GALNT6: variants seen among roughly 807,000 people sequenced by gnomAD.
GALNT6 encodes polypeptide N-acetylgalactosaminyltransferase 6, also known as GalNAc transferase 6.
A neutral mutation model predicts 65.9 loss-of-function variants in GALNT6; 51 were observed. That is an observed-to-expected ratio of 0.77 (90% CI 0.62 to 0.98). The LOEUF is 0.98. Among genes scored for constraint, GALNT6 ranks in the 50% least tolerant of loss-of-function variants. The pLI, the probability that GALNT6 is intolerant of heterozygous loss-of-function variation, is 0.00. For synonymous variants in GALNT6, 323 were observed against 315.1 expected (o/e 1.02, Z -0.26); for missense variants, 708 against 803.3 (o/e 0.88, Z 1.43).
At position 51,370,444 on chromosome 12, in the gene GALNT6, A is replaced by G. The variant is rs576557882; in HGVS notation, c.665-4865T>C. Among the ~76,000 whole-genome samples, 3 of 152,358 alleles carry G rather than the reference A, an allele frequency of 2.0e-5. No homozygotes were observed. In the East Asian group the frequency reaches 5.8e-4, roughly 29 times the overall value. On this transcript the variant is annotated intron_variant, in intron 4 of 11. Coordinates refer to ENST00000356317, the MANE Select transcript of GALNT6 (RefSeq NM_007210.4). ...CAACTACTCGGGAGGCCGAGGCAGG[A>G]GAATCACTTGAACCCAGGAGGTGGA...
chr12:51,377,100 T>A (rs1947479351), intron 4 of GALNT6, 95 bp downstream of exon 4: 1 of 1,027,666 alleles, frequency 9.7e-7, no homozygotes, highest in African/African-American at 1.6e-5. Context: ...AACAGGCTCA[T>A]GAGGTGGTGC....
chr12:51,378,139 A>G (rs1207700148), intron 3 of GALNT6, among the ~76,000 whole-genome samples: 1 of 151,896 alleles, frequency 6.6e-6, no homozygotes, highest in Non-Finnish European at 1.5e-5. Flanking sequence ...GGCTGCTGTC[A>G]CACCCAGTGC....
intron 11 of GALNT6, among the ~76,000 whole-genome samples, chr12:51,355,235 T>C (rs181655660): frequency 2.0e-3 from 300 of 152,316 alleles, no homozygotes; most frequent in East Asian, 8.9e-3. Flanking sequence ...CTTCACCTTC[T>C]TCTAATTGGG....
rs746013479 is a variant in GALNT6 at position 51,358,163 on chromosome 12, A to G, written c.1467T>C (p.Phe489=). 4.3e-6 allele frequency: 7 copies of G among 1,613,956 alleles called. No individual in the cohort carries two copies. Among genetic ancestry groups the G allele is most frequent in the Non-Finnish European group, 5.9e-6 (7 of 1,179,976 alleles). ...WYLHNVYPEM[F]VPDLTPTFYG... is the part of the protein sequence containing the mutation. ...AGAAGGTGGGCGTCAGGTCAGGAAC[A>G]AACATCTCTGGGTAGACATTGTGCA... Residue 489 remains phenylalanine, a synonymous_variant, in exon 9 of 12, where the codon TTT becomes TTC. Transcript: ENST00000356317.
chr12:51,378,634 G>A (rs1194278099), intron 3 of GALNT6, among the ~76,000 whole-genome samples: 1 of 152,184 alleles, frequency 6.6e-6, no homozygotes, highest in Non-Finnish European at 1.5e-5. Context: ...ACTTGACCTG[G>A]AAAAGACAAA....
intron 2 of GALNT6, among the ~76,000 whole-genome samples, chr12:51,390,156 C>CTTTTTTTTTTTTTTTT (rs796243349): frequency 8.6e-6 from 1 of 116,322 alleles, no homozygotes; most frequent in African/African-American, 3.3e-5. Context: ...TTCTTTCTTT[C>CTTTTTTTTTTTTTTTT]TTTTTTTTTT....
chr12:51,369,316 T>G (rs982667200), intron 4 of GALNT6, among the ~76,000 whole-genome samples: 3 of 152,146 alleles, frequency 2.0e-5, no homozygotes, highest in Non-Finnish European at 4.4e-5. Flanking sequence ...CTCAAGCCCT[T>G]CTGGGGAGAC....
rs772859454 is a variant in GALNT6, at chr12:51,358,116, T to C, written c.1500+14A>G. On this transcript the variant is annotated intron_variant, in intron 9 of 11. Coordinates refer to ENST00000356317, the MANE Select transcript of GALNT6 (RefSeq NM_007210.4). ...CTGTGGTGATGGGCAGGCAGGTTGG[T>C]TCTCAAGACTTACGGCACCATAGAA... The C allele has an allele frequency of 9.9e-6, 16 of 1,610,458 alleles. No individual in the cohort carries two copies. The South Asian group carries it at 1.6e-4, about 17-fold the overall frequency.
At chr12:51,388,673 C>T (rs1221352419) in intron 2 of GALNT6, among the ~76,000 whole-genome samples, 2 of 152,162 alleles carry the variant, frequency 1.3e-5, no homozygotes, top group Non-Finnish European at 2.9e-5. Flanking sequence ...CAGGCCTAGA[C>T]GGTAGACCAC....
In GALNT6 at chr12:51,359,159, AT is replaced by A; in HGVS notation, c.1340del (p.Asn447IlefsTer22). The A allele has an allele frequency of 1.2e-6, 2 of 1,614,010 alleles. No homozygotes were observed. Among genetic ancestry groups the A allele is most frequent in the Non-Finnish European group, 1.7e-6 (2 of 1,179,954 alleles). ...DSYKKIFYRR[N>X]LQAAKMAQEK... ...CTTGGGCCATCTTTGCTGCCTGCAG[AT>A]TTCTCCTATAGAAAATCTTCTTGTA... On this transcript the variant is annotated frameshift_variant, in exon 8 of 12. Coordinates refer to ENST00000356317, the MANE Select transcript of GALNT6 (RefSeq NM_007210.4). LOFTEE classifies it high-confidence loss of function.
Position 51,360,799 on chromosome 12 carries a change from C to T in GALNT6, c.1089G>A (p.Lys363=). Residue 363 remains lysine, a synonymous_variant, in exon 7 of 12, where the codon AAG becomes AAA. Transcript: ENST00000356317. ...AGGTACCGATGTGCTCAAAGTAGGACTTGGAGATGGAGAAGAGGCCACCAG... is the reference window on the plus strand; with the variant it reads ...AGGTACCGATGTGCTCAAAGTAGGATTTGGAGATGGAGAAGAGGCCACCAG... ...TFAGGLFSIS[K]SYFEHIGTYD... The T allele has an allele frequency of 6.2e-6, 10 of 1,613,694 alleles. No individual in the cohort carries two copies. Among genetic ancestry groups the T allele is most frequent in the Non-Finnish European group, 8.5e-6 (10 of 1,179,652 alleles).
At chr12:51,363,677 C>T (rs991414655) in intron 6 of GALNT6, among the ~76,000 whole-genome samples, 18 of 152,128 alleles carry the variant, frequency 1.2e-4, no homozygotes, top group Admixed American at 1.2e-3. Context: ...GGGCACATAC[C>T]ACTCCCTCTT....
intron 4 of GALNT6, among the ~76,000 whole-genome samples, chr12:51,365,972 C>T (rs1226129162): frequency 1.3e-5 from 2 of 152,176 alleles, no homozygotes; most frequent in Non-Finnish European, 2.9e-5. Flanking sequence ...GGCTGGAGTG[C>T]AATGGCGTGA....
At position 51,387,769 on chromosome 12, in the gene GALNT6, G is replaced by A. The variant is rs1409093965; in HGVS notation, c.-104+3081C>T. Among the ~76,000 whole-genome samples, 1 of 152,058 alleles carries A rather than the reference G, an allele frequency of 6.6e-6. No individual in the cohort carries two copies. Among genetic ancestry groups the A allele is most frequent in the Non-Finnish European group, 1.5e-5 (1 of 68,008 alleles). On this transcript the variant is annotated intron_variant, in intron 2 of 11. Coordinates refer to ENST00000356317, the MANE Select transcript of GALNT6 (RefSeq NM_007210.4). The surrounding 1 kb of genome is among the most constrained non-coding windows in gnomAD (Gnocchi z 4.2). ...AACGAGACTGGGCTTGAGGGGGAGA[G>A]TTGGGGGAAAGGACAGAGAAGGGAC...
rs139435280 is a variant in GALNT6 at position 51,370,058 on chromosome 12, T to A, written c.665-4479A>T. 4.1e-3 allele frequency among the ~76,000 whole-genome samples: 625 copies of A among 152,332 alleles called. 5 individuals are homozygous for A. The highest frequency in any genetic ancestry group is 6.3e-3 in the Non-Finnish European group (431 of 68,030). ...AAAAACTAAAGACAGAATTACCATA[T>A]GATCCAGCAATTCCACTTTTGGGCA... On this transcript the variant is annotated intron_variant, in intron 4 of 11. Coordinates refer to ENST00000356317, the MANE Select transcript of GALNT6 (RefSeq NM_007210.4).
At position 51,352,359 on chromosome 12, in the gene GALNT6, C is replaced by T. The variant is rs938865915; in HGVS notation, c.*2020G>A. The T allele has an allele frequency of 6.6e-6, 1 of 152,206 alleles. No homozygotes were observed. Among genetic ancestry groups the T allele is most frequent in the African/African-American group, 2.4e-5 (1 of 41,452 alleles). 9.4% of individuals were successfully genotyped at this position (152,206 alleles called of 1,614,324 possible). A position where few individuals can be genotyped will look rare whatever the true frequency, so the allele number is the denominator to read the frequency against. ...GTCCTTACCCTCAGGGCTACTGATACCTTGCTGGGTGACCTTGGACAGATT... is the reference window on the plus strand; with the variant it reads ...GTCCTTACCCTCAGGGCTACTGATATCTTGCTGGGTGACCTTGGACAGATT... On this transcript the variant is annotated 3_prime_UTR_variant, in exon 12 of 12. Coordinates refer to ENST00000356317, the MANE Select transcript of GALNT6 (RefSeq NM_007210.4).
At chr12:51,379,223 C>T in intron 3 of GALNT6, 68 bp downstream of exon 3, 2 of 1,468,842 alleles carry the variant, frequency 1.4e-6, no homozygotes, top group South Asian at 1.4e-5. Flanking sequence ...GATCTATGGC[C>T]CTGGCCATAC....
rs753412583 is a variant in GALNT6, at chr12:51,377,314, A to G, written c.545T>C (p.Ile182Thr). ...RCPPLATTSV[I>T]IVFHNEAWST... Reference sequence around the variant, plus strand: ...CCAGGCTTCGTTGTGGAACACAATGATCACGCTGGTGGTGGCCAGTGGGGG... The same window carrying G: ...CCAGGCTTCGTTGTGGAACACAATGGTCACGCTGGTGGTGGCCAGTGGGGG... Residue 182 changes from isoleucine (I) to threonine (T), a missense_variant, in exon 4 of 12, where the codon ATC (isoleucine) becomes ACC (threonine). Ile to Thr is a moderately conservative substitution (Grantham distance 89). Transcript: ENST00000356317. 6.2e-7 allele frequency: 1 copy of G among 1,613,138 alleles called. No homozygotes were observed. Among genetic ancestry groups the G allele is most frequent in the South Asian group, 1.1e-5 (1 of 91,048 alleles).
intron 11 of GALNT6, among the ~76,000 whole-genome samples, chr12:51,354,739 G>C (rs1318588103): frequency 2.0e-5 from 3 of 152,106 alleles, no homozygotes; most frequent in African/African-American, 7.2e-5. Context: ...AAGACCATGG[G>C]CTGAGAGAAA....
Sources: allele counts gnomAD v4.1 joint callset (sites outside exome capture counted in the v4.1 genomes callset), GRCh38; gene constraint gnomAD v4.1.1; non-coding constraint Gnocchi (gnomAD v3.1); transcripts MANE v1.5; gene names NCBI Gene and HGNC (gene_info 2026-07-23, HGNC 2026-07-21).